Variants in CACHD1 observed in about 807,000 individuals in gnomAD.
CACHD1 encodes VWFA and cache domain-containing protein 1.
CACHD1 carries 71 observed loss-of-function variants against 138.7 expected under a neutral mutation model. The observed-to-expected ratio is 0.51, with a 90% CI of 0.42 to 0.62. The LOEUF (loss-of-function observed/expected upper bound fraction) is 0.62. CACHD1 is among the 20% of genes least tolerant of loss of function. CACHD1 has a pLI of 0.00. For missense variants in CACHD1, 1,389 were observed against 1,625.3 expected, an observed-to-expected ratio of 0.85 and a Z score of 2.50; for synonymous variants, 578 against 591.5, an observed-to-expected ratio of 0.98 and a Z score of 0.33.
At chr1:64,500,205 G>A (rs1646330337) in intron 1 of CACHD1, among the ~76,000 whole-genome samples, 1 of 152,184 alleles carries the variant, frequency 6.6e-6, no homozygotes. Flanking sequence ...CATTGGCCAT[G>A]ACTGGTCACA....
intron 3 of CACHD1, among the ~76,000 whole-genome samples, chr1:64,585,981 C>A (rs1231398936): frequency 6.6e-6 from 1 of 151,578 alleles, no homozygotes; most frequent in East Asian, 1.9e-4. Flanking sequence ...CAGCTAGCCA[C>A]CTTTGTTCCA....
intron 7 of CACHD1, 113 bp downstream of exon 7, chr1:64,634,373 TG>T (rs1363701040): frequency 1.4e-5 from 5 of 358,430 alleles, no homozygotes; most frequent in Non-Finnish European, 2.4e-5. Context: ...TATTTATTTA[TG>T]TATGTATTTA....
chr1:64,574,845 C>G (rs571058570), intron 2 of CACHD1, among the ~76,000 whole-genome samples: 1 of 152,252 alleles, frequency 6.6e-6, no homozygotes, highest in East Asian at 1.9e-4. Flanking sequence ...CTGAATTTAA[C>G]TGAAACTTCT....
chr1:64,658,579 C>T (rs11208490), intron 12 of CACHD1, 126 bp from the exon 13 acceptor site: 100,179 of 611,948 alleles, frequency 0.16, 16,337 homozygotes, highest in East Asian at 0.61. Context: ...TCATTCATCC[C>T]ATATTTAATG....
intron 2 of CACHD1, among the ~76,000 whole-genome samples, chr1:64,554,390 C>A (rs975938066): frequency 6.6e-5 from 10 of 152,192 alleles, no homozygotes; most frequent in African/African-American, 2.4e-4. Flanking sequence ...CACTATTCAG[C>A]TCAGGTGGAG....
chr1:64,637,133 G>A (rs146684392), intron 7 of CACHD1, among the ~76,000 whole-genome samples: 352 of 152,322 alleles, frequency 2.3e-3, no homozygotes, highest in Non-Finnish European at 3.5e-3. Context: ...CACTAGAAGT[G>A]TTCTTTCTAC....
At chr1:64,556,748 T>G (rs1365529508) in intron 2 of CACHD1, among the ~76,000 whole-genome samples, 1 of 152,260 alleles carries the variant, frequency 6.6e-6, no homozygotes, top group African/African-American at 2.4e-5. Context: ...TTTTAAATCC[T>G]TAATTAGTTC....
intron 19 of CACHD1, among the ~76,000 whole-genome samples, chr1:64,673,920 C>A (rs1300816952): frequency 6.6e-6 from 1 of 152,152 alleles, no homozygotes; most frequent in South Asian, 2.1e-4. Flanking sequence ...AAAATAATGT[C>A]TTTTTTTAGC....
chr1:64,687,850 T>C (rs1650416459), intron 26 of CACHD1, among the ~76,000 whole-genome samples: 1 of 152,084 alleles, frequency 6.6e-6, no homozygotes, highest in Non-Finnish European at 1.5e-5. Context: ...TGTTAAATAC[T>C]AGGGATACAA....
chr1:64,476,155 A>G (rs1021064285), intron 1 of CACHD1, among the ~76,000 whole-genome samples: 20 of 152,188 alleles, frequency 1.3e-4, no homozygotes, highest in Admixed American at 2.6e-4. Context: ...AAGGGTAGCC[A>G]AATCAGTAGT....
Position 64,671,699 on chromosome 1 carries a change from G to A in CACHD1, c.2510+13G>A. The A allele has an allele frequency of 1.2e-6, 2 of 1,613,784 alleles. No homozygotes were observed. The highest frequency in any genetic ancestry group is 1.7e-5 in the Admixed American group (1 of 59,996). ...GCAACAAAATAAGGTAAGTGCTTTG[G>A]GGATGCTATTTCCTTTCTAGCTGCA... On this transcript the variant is annotated intron_variant, in intron 17 of 26. Coordinates refer to ENST00000651257, the MANE Select transcript of CACHD1 (RefSeq NM_020925.4).
intron 1 of CACHD1, among the ~76,000 whole-genome samples, chr1:64,524,252 T>G (rs1017153154): frequency 1.3e-5 from 2 of 152,242 alleles, no homozygotes; most frequent in Admixed American, 1.3e-4. Flanking sequence ...GAGGAGCAGC[T>G]TTGAGTACCT....
intron 1 of CACHD1, among the ~76,000 whole-genome samples, chr1:64,486,350 GCACACACACACACACACATA>G (rs1485566071): frequency 1.1e-4 from 13 of 123,286 alleles, no homozygotes; most frequent in Non-Finnish European, 2.2e-4. Flanking sequence ...GAGAGCGCGC[GCACACACACACACACACATA>G]CACACACACA....
chr1:64,599,731 T>G (rs1479256304), intron 3 of CACHD1, among the ~76,000 whole-genome samples: 2 of 152,138 alleles, frequency 1.3e-5, no homozygotes. Flanking sequence ...GCAAAGGAAG[T>G]AAAACAACCT....
chr1:64,587,769 C>T (rs1421083746), intron 3 of CACHD1, among the ~76,000 whole-genome samples: 1 of 152,106 alleles, frequency 6.6e-6, no homozygotes, highest in Non-Finnish European at 1.5e-5. Flanking sequence ...AGGTGAGGTG[C>T]TAGGGACACA....
At chr1:64,653,144 C>A (rs1295705104) in intron 10 of CACHD1, among the ~76,000 whole-genome samples, 1 of 152,058 alleles carries the variant, frequency 6.6e-6, no homozygotes, top group Non-Finnish European at 1.5e-5. Context: ...GGAACAGATA[C>A]TGCATGTTCT....
chr1:64,564,620 A>T (rs1241941950), intron 2 of CACHD1, among the ~76,000 whole-genome samples: 1 of 152,222 alleles, frequency 6.6e-6, no homozygotes, highest in Non-Finnish European at 1.5e-5. Flanking sequence ...AGTGTGCTAC[A>T]GAGAAGATTG....
chr1:64,630,686 A>G (rs1648272284), intron 5 of CACHD1, among the ~76,000 whole-genome samples: 1 of 152,172 alleles, frequency 6.6e-6, no homozygotes, highest in Non-Finnish European at 1.5e-5. Context: ...AGCCATGATC[A>G]TGGCTTCTCA....
At chr1:64,643,862 G>A (rs1395643983) in intron 8 of CACHD1, among the ~76,000 whole-genome samples, 1 of 152,178 alleles carries the variant, frequency 6.6e-6, no homozygotes, top group Non-Finnish European at 1.5e-5. Context: ...CCAGCATAAG[G>A]AGTTTATGAA....
Sources: allele counts gnomAD v4.1 joint callset (sites outside exome capture counted in the v4.1 genomes callset), GRCh38; gene constraint gnomAD v4.1.1; transcripts MANE v1.5; gene names NCBI Gene and HGNC (gene_info 2026-07-23, HGNC 2026-07-21).